Variants in PKD1 observed in about 807,000 individuals in gnomAD.
PKD1 encodes polycystin 1, transient receptor potential channel interacting.
In PKD1, 81 loss-of-function variants were observed where a neutral mutation model predicts 361.7. The observed-to-expected ratio is 0.22, with a 90% CI of 0.19 to 0.27. The LOEUF is 0.27. Ranked by LOEUF, PKD1 falls within the 10% of genes least tolerant of loss-of-function variation. PKD1 has a pLI of 1.00. For missense variants in PKD1, 6,399 were observed against 6,118.3 expected (o/e 1.05, Z -1.53); for synonymous variants, 3,615 against 2,818.3 (o/e 1.28, Z -8.95).
Position 2,089,147 on chromosome 16 carries a change from C to T in PKD1, c.*580G>A, listed in dbSNP as rs776172110. 4.3e-4 allele frequency: 73 copies of T among 168,740 alleles called. No homozygotes were observed. Among genetic ancestry groups the T allele is most frequent in the Admixed American group, 1.5e-3 (27 of 17,784 alleles). The allele number at this position is 168,740 out of a possible 1,614,324, so 10.5% of individuals were successfully genotyped here. On this transcript the variant is annotated 3_prime_UTR_variant, in exon 46 of 46. Coordinates refer to ENST00000262304, the MANE Select transcript of PKD1 (RefSeq NM_001009944.3). ...GCCAAGCTCGCATCCAAGCAGCAGCCGGGCTGCCATAACGCCACCACACCT... is the reference window on the plus strand; with the variant it reads ...GCCAAGCTCGCATCCAAGCAGCAGCTGGGCTGCCATAACGCCACCACACCT...
At chr16:2,121,194 T>TG (rs2092714776) in intron 1 of PKD1, among the ~76,000 whole-genome samples, 2 of 151,430 alleles carry the variant, frequency 1.3e-5, no homozygotes, top group African/African-American at 4.9e-5. Context: ...GGAGACACCC[T>TG]GTCTCTACCA....
At chr16:2,105,279 T>C (rs890511987) in intron 21 of PKD1, 43 bp downstream of exon 21, 2 of 1,586,218 alleles carry the variant, frequency 1.3e-6, no homozygotes, top group African/African-American at 1.3e-5. Flanking sequence ...CCCAGTGCCC[T>C]GGCAGGCATG....
chr16:2,107,070 G>A (rs1335514609), intron 16 of PKD1, 122 bp from the exon 17 acceptor site: 2 of 876,808 alleles, frequency 2.3e-6, no homozygotes, highest in Non-Finnish European at 3.7e-6. Flanking sequence ...CACTGCCGGT[G>A]AGCTCACTCC....
rs1274891292 is a variant in PKD1, at chr16:2,111,368, C to G, written c.3799G>C (p.Ala1267Pro). Residue 1267 changes from alanine to proline, a missense_variant, in exon 15 of 46, where the codon GCA (alanine) becomes CCA (proline). Ala to Pro is a conservative substitution (Grantham distance 27). Coordinates refer to ENST00000262304, the MANE Select transcript of PKD1 (RefSeq NM_001009944.3). ...EATVEHVYLR[A>P]QNCTVTVGAA... Reference sequence around the variant, plus strand: ...CCCACGGTCACTGTGCAGTTCTGTGCCCGCAGGTACACATGCTCCACTGTT... The same window carrying G: ...CCCACGGTCACTGTGCAGTTCTGTGGCCGCAGGTACACATGCTCCACTGTT... 1 of 1,610,894 alleles carries G rather than the reference C, an allele frequency of 6.2e-7. No individual in the cohort carries two copies. Among genetic ancestry groups the G allele is most frequent in the South Asian group, 1.1e-5 (1 of 91,018 alleles).
At chr16:2,090,644 G>A (rs750984952) in intron 44 of PKD1, 30 bp downstream of exon 44, 27 of 1,610,374 alleles carry the variant, frequency 1.7e-5, no homozygotes, top group Non-Finnish European at 2.2e-5. Context: ...GCTGAGCTAA[G>A]ACGCCCTCCC....
Position 2,097,451 on chromosome 16 carries a change from T to C in PKD1, c.10273A>G (p.Ser3425Gly), listed in dbSNP as rs978481700. Residue 3425 changes from serine to glycine, a missense_variant, in exon 33 of 46, where the codon AGT becomes GGT. By Grantham distance (56) the Ser-to-Gly change is moderately conservative. Transcript: ENST00000262304. ...EGTLSWPDLLSDPSIVGSNLR... is the reference protein window; with the variant it reads ...EGTLSWPDLLGDPSIVGSNLR... ...TTGCTACCCACAATGGACGGGTCAC[T>C]GAGCAGGTCCGGCCAACTGAGCGTT... 5.0e-6 allele frequency: 8 copies of C among 1,605,830 alleles called. No individual in the cohort carries two copies. Among genetic ancestry groups the C allele is most frequent in the Non-Finnish European group, 6.8e-6 (8 of 1,179,936 alleles).
intron 32 of PKD1, 111 bp from the exon 33 acceptor site, chr16:2,097,614 T>C: frequency 6.2e-7 from 1 of 1,610,054 alleles, no homozygotes. Context: ...TGCTCCCGGG[T>C]GGTGTGACCA....
intron 34 of PKD1, chr16:2,095,038 G>T (rs1426518164): frequency 6.6e-6 from 1 of 152,288 alleles, no homozygotes; most frequent in African/African-American, 2.4e-5. Flanking sequence ...ACTTCAGGAG[G>T]CTGAGGCAGG....
rs1167677126 is a variant in PKD1, at chr16:2,105,242, G to C, written c.8016+80C>G. ...GCTGGAGGCTCAGCTCCTCGGCCAAGCTGCCCGTCTGCCCTGGGGGGCTGA... is the reference window on the plus strand; with the variant it reads ...GCTGGAGGCTCAGCTCCTCGGCCAACCTGCCCGTCTGCCCTGGGGGGCTGA... On this transcript the variant is annotated intron_variant, in intron 21 of 45. Coordinates refer to ENST00000262304, the MANE Select transcript of PKD1 (RefSeq NM_001009944.3). The C allele has an allele frequency of 2.7e-5, 39 of 1,446,282 alleles. 1 individual carries two copies. The highest frequency in any genetic ancestry group is 4.9e-4 in the Middle Eastern group (2 of 4,110). The allele number at this position is 1,446,282 out of a possible 1,614,324, so 89.6% of individuals were successfully genotyped here. A position where few individuals can be genotyped will look rare whatever the true frequency, so the allele number is the denominator to read the frequency against.
At chr16:2,132,940 G>A (rs1317975343) in intron 1 of PKD1, among the ~76,000 whole-genome samples, 1 of 151,436 alleles carries the variant, frequency 6.6e-6, no homozygotes, top group African/African-American at 2.4e-5. Context: ...AATTAGCCAG[G>A]CATGGTGGTG....
chr16:2,127,694 C>T (rs1485659111), intron 1 of PKD1, among the ~76,000 whole-genome samples: 12 of 151,286 alleles, frequency 7.9e-5, no homozygotes, highest in Non-Finnish European at 1.3e-4. Context: ...TGCTACACTG[C>T]CCTGCAGGGT....
At chr16:2,116,150 G>A (rs1393094836) in intron 8 of PKD1, 32 bp from the exon 9 acceptor site, 4 of 1,554,870 alleles carry the variant, frequency 2.6e-6, no homozygotes. Flanking sequence ...CAGCTCCACA[G>A]ACCCCATCCC....
At chr16:2,117,723 G>A (rs1353251382) in intron 5 of PKD1, 51 bp from the exon 6 acceptor site, 29 of 1,353,934 alleles carry the variant, frequency 2.1e-5, no homozygotes, top group African/African-American at 7.2e-5. Flanking sequence ...GGCCCAAGAC[G>A]GGGGTACCAG....
chr16:2,097,441 G>A lies in PKD1; in HGVS notation c.10283C>T (p.Ser3428Phe), dbSNP rs1223040043. 1.2e-6 allele frequency: 2 copies of A among 1,606,890 alleles called. No homozygotes were observed. Among genetic ancestry groups the A allele is most frequent in the South Asian group, 1.1e-5 (1 of 91,076 alleles). ...LSWPDLLSDP[S>F]IVGSNLRQLA... ...CTGCCGCAGATTGCTACCCACAATG[G>A]ACGGGTCACTGAGCAGGTCCGGCCA... The change falls in exon 33 of 46, where the codon TCC (serine) becomes TTC (phenylalanine). Residue 3428 changes from serine (S) to phenylalanine (F), a missense_variant. By Grantham distance (155) the Ser-to-Phe change is radical (BLOSUM62 -2). Coordinates refer to ENST00000262304, the MANE Select transcript of PKD1 (RefSeq NM_001009944.3).
intron 1 of PKD1, among the ~76,000 whole-genome samples, chr16:2,121,918 C>A (rs2151832326): frequency 6.6e-6 from 1 of 152,328 alleles, no homozygotes; most frequent in East Asian, 1.9e-4. Flanking sequence ...CGGCAGCCAG[C>A]CCCAAGCCGG....
rs1302769516 is a variant in PKD1 at position 2,125,072 on chromosome 16, G to A, written c.216-5694C>T. Among the ~76,000 whole-genome samples, 5 of 152,262 alleles carry A rather than the reference G, an allele frequency of 3.3e-5. No individual in the cohort carries two copies. In the South Asian group the frequency reaches 1.0e-3, roughly 31 times the overall value. On this transcript the variant is annotated intron_variant, in intron 1 of 45. Coordinates refer to ENST00000262304, the MANE Select transcript of PKD1 (RefSeq NM_001009944.3). The stretch of plus-strand genomic sequence containing the variant: ...CCCCCACTGCGGCCCCTTCCTCGCT[G>A]GGCCAGCCGAGCCATGACCTCATCT...
At chr16:2,099,163 C>CT (rs1477939278) in intron 30 of PKD1, 2 of 333,118 alleles carry the variant, frequency 6.0e-6, no homozygotes, top group African/African-American at 2.2e-5. Context: ...TGGGGTCTTG[C>CT]TATGTTGCCC....
rs1216919223 is a variant in PKD1, at chr16:2,103,204, G to A, written c.8791+62C>T. ...AGAGACACCCATGGAAGCCCTACGAGAAACGCCTTCCCCCCAAGAACAAGG... is the reference window on the plus strand; with the variant it reads ...AGAGACACCCATGGAAGCCCTACGAAAAACGCCTTCCCCCCAAGAACAAGG... On this transcript the variant is annotated intron_variant, in intron 23 of 45. Coordinates refer to ENST00000262304, the MANE Select transcript of PKD1 (RefSeq NM_001009944.3). The A allele has an allele frequency of 3.9e-6, 6 of 1,540,606 alleles. No homozygotes were observed. The East Asian group carries it at 1.1e-4, about 29-fold the overall frequency.
At chr16:2,104,383 AG>A in intron 22 of PKD1, 114 bp downstream of exon 22, 2 of 472,350 alleles carry the variant, frequency 4.2e-6, no homozygotes, top group Admixed American at 3.1e-5. Flanking sequence ...AATTGGGGGG[AG>A]GGGAGGGGGA....
Sources: gnomAD v4.1 joint callset for allele counts (sites outside exome capture counted in the v4.1 genomes callset) on GRCh38, gnomAD v4.1.1 for gene constraint, MANE v1.5 for transcripts, NCBI Gene and HGNC (gene_info 2026-07-23, HGNC 2026-07-21) for gene names.